The following PPP2R3A variants were observed in gnomAD, a reference collection of about 807,000 sequenced individuals.
The protein encoded by PPP2R3A is protein phosphatase 2 regulatory subunit B''alpha.
A neutral mutation model predicts 106.9 loss-of-function variants in PPP2R3A; 80 were observed. That is an observed-to-expected ratio of 0.75 (90% CI 0.62 to 0.90). The LOEUF (loss-of-function observed/expected upper bound fraction) is 0.90, where lower values mean the gene tolerates loss of function less well. Among genes scored for constraint, PPP2R3A ranks in the 40% least tolerant of loss-of-function variants. The pLI, the probability that PPP2R3A is intolerant of heterozygous loss-of-function variation, is 0.00. For synonymous variants in PPP2R3A, 483 were observed against 468.3 expected, an observed-to-expected ratio of 1.03 and a Z score of -0.41; for missense variants, 1,386 against 1,350.4, an observed-to-expected ratio of 1.03 and a Z score of -0.41.
chr3:136,059,327 CA>C (rs1249561484), intron 5 of PPP2R3A, among the ~76,000 whole-genome samples: 2 of 151,560 alleles, frequency 1.3e-5, no homozygotes, highest in African/African-American at 4.8e-5. Flanking sequence ...AATACATGAA[CA>C]AATATTTTTC....
Position 136,003,164 on chromosome 3 carries a change from C to T in PPP2R3A, c.1666C>T (p.Pro556Ser). The T allele has an allele frequency of 6.2e-7, 1 of 1,613,546 alleles. No homozygotes were observed. Among genetic ancestry groups the T allele is most frequent in the Non-Finnish European group, 8.5e-7 (1 of 1,179,678 alleles). The change falls in exon 2 of 14, where the codon CCT (proline) becomes TCT (serine). Residue 556 changes from proline (P) to serine (S), a missense_variant. Pro to Ser is a moderately conservative substitution (Grantham distance 74, BLOSUM62 -1). Coordinates refer to ENST00000264977, the MANE Select transcript of PPP2R3A (RefSeq NM_002718.5). ...LTGQTLVDLE[P>S]KSKVSSPIEK... ...CGGTCAGACCCTTGTAGATCTTGAGCCTAAATCTAAAGTCTCTTCACCCAT... is the reference window on the plus strand; with the variant it reads ...CGGTCAGACCCTTGTAGATCTTGAGTCTAAATCTAAAGTCTCTTCACCCAT...
intron 5 of PPP2R3A, among the ~76,000 whole-genome samples, chr3:136,064,168 C>CA (rs1345603778): frequency 2.7e-5 from 4 of 148,770 alleles, no homozygotes; most frequent in African/African-American, 7.5e-5. Flanking sequence ...ATCAAAAGGA[C>CA]AAAAAACCAA....
At chr3:136,030,110 C>T (rs1159401108) in intron 3 of PPP2R3A, among the ~76,000 whole-genome samples, 3 of 151,946 alleles carry the variant, frequency 2.0e-5, no homozygotes, top group Admixed American at 6.6e-5. Flanking sequence ...CCTAGCTACT[C>T]AGGAGGCTGA....
chr3:136,118,405 G>A (rs553568748), intron 13 of PPP2R3A, among the ~76,000 whole-genome samples: 14 of 152,226 alleles, frequency 9.2e-5, no homozygotes, highest in Admixed American at 7.8e-4. Context: ...AGAAATAAAT[G>A]GTATTCAAAT....
At chr3:136,105,099 A>G (rs530417683) in intron 12 of PPP2R3A, among the ~76,000 whole-genome samples, 3 of 152,350 alleles carry the variant, frequency 2.0e-5, no homozygotes, top group Non-Finnish European at 4.4e-5. Context: ...CAACCAAAGT[A>G]TCTACATTAG....
intron 6 of PPP2R3A, among the ~76,000 whole-genome samples, chr3:136,075,963 G>A (rs1936582207): frequency 6.6e-6 from 1 of 151,716 alleles, no homozygotes; most frequent in African/African-American, 2.4e-5. Context: ...CCAAGCTAGT[G>A]CTAAGAATAC....
intron 2 of PPP2R3A, among the ~76,000 whole-genome samples, chr3:136,004,266 C>G (rs1175762882): frequency 6.6e-6 from 1 of 152,198 alleles, no homozygotes; most frequent in Non-Finnish European, 1.5e-5. Context: ...TGTGTCGTAG[C>G]ACAACAAGAT....
intron 3 of PPP2R3A, among the ~76,000 whole-genome samples, chr3:136,032,352 A>C (rs1210950041): frequency 6.6e-6 from 1 of 152,116 alleles, no homozygotes; most frequent in East Asian, 1.9e-4. Flanking sequence ...GGTGTATAGA[A>C]GAGCTACTGA....
chr3:135,973,588 T>TGA (rs1937307079), intron 1 of PPP2R3A, among the ~76,000 whole-genome samples: 1 of 152,240 alleles, frequency 6.6e-6, no homozygotes, highest in African/African-American at 2.4e-5. Context: ...ATTCTGTTGC[T>TGA]ATTCCTCATA....
At chr3:136,100,223 GA>G (rs1006443948) in intron 10 of PPP2R3A, among the ~76,000 whole-genome samples, 5 of 152,110 alleles carry the variant, frequency 3.3e-5, no homozygotes, top group Admixed American at 3.3e-4. Context: ...AAGTATGAGG[GA>G]AAAGGCCAGG....
rs141371946 is a variant in PPP2R3A at position 136,063,120 on chromosome 3, A to G, written c.2470-7358A>G. The stretch of plus-strand genomic sequence containing the variant: ...AGAGCCCTCAGAAATAATGCCGCAT[A>G]TCTACAACCATCTGATCTTTGACAA... On this transcript the variant is annotated intron_variant, in intron 5 of 13. Transcript: ENST00000264977. Among the ~76,000 whole-genome samples, 1,230 of 152,338 alleles carry G rather than the reference A, an allele frequency of 8.1e-3. 8 individuals carry two copies. Among genetic ancestry groups the G allele is most frequent in the Non-Finnish European group, 0.012 (808 of 68,034 alleles).
At chr3:136,062,650 G>A (rs745486281) in intron 5 of PPP2R3A, among the ~76,000 whole-genome samples, 5 of 151,310 alleles carry the variant, frequency 3.3e-5, no homozygotes, top group South Asian at 2.1e-4. Flanking sequence ...CCTGGGAGGC[G>A]GAGCTTGCAG....
At chr3:136,008,999 T>C (rs1933949489) in intron 2 of PPP2R3A, among the ~76,000 whole-genome samples, 1 of 151,874 alleles carries the variant, frequency 6.6e-6, no homozygotes, top group African/African-American at 2.4e-5. Context: ...CTCCTCACAC[T>C]GCTCTTATAT....
At position 136,078,402 on chromosome 3, in the gene PPP2R3A, T is replaced by C. The variant is rs780091495; in HGVS notation, c.2580T>C (p.Ser860=). Residue 860 remains serine, a synonymous_variant, in exon 7 of 14, where the codon TCT becomes TCC. Coordinates refer to ENST00000264977, the MANE Select transcript of PPP2R3A (RefSeq NM_002718.5). ...IQRIFYTVNR[S]WSGKITSTEI... is the part of the protein sequence containing the mutation. ...GAATATTCTACACAGTCAACAGATC[T>C]TGGAGTGGAAAAATTACTTCGACAG... 6.2e-7 allele frequency: 1 copy of C among 1,611,080 alleles called. No homozygotes were observed. Among genetic ancestry groups the C allele is most frequent in the East Asian group, 2.2e-5 (1 of 44,810 alleles).
At chr3:136,031,765 T>C (rs561192931) in intron 3 of PPP2R3A, among the ~76,000 whole-genome samples, 1 of 152,344 alleles carries the variant, frequency 6.6e-6, no homozygotes, top group Non-Finnish European at 1.5e-5. Flanking sequence ...AAGAGTATGC[T>C]TTCCCTGCTT....
chr3:136,145,278 T>A lies in PPP2R3A; in HGVS notation c.*112T>A. 7.5e-7 allele frequency: 1 copy of A among 1,329,220 alleles called. No homozygotes were observed. Among genetic ancestry groups the A allele is most frequent in the Non-Finnish European group, 1.0e-6 (1 of 995,552 alleles). 82.3% of individuals were successfully genotyped at this position (1,329,220 alleles called of 1,614,324 possible). A position where few individuals can be genotyped will look rare whatever the true frequency, so the allele number is the denominator to read the frequency against. ...AAAGACTTTGATTTCTCCAAGTGTG[T>A]ATCATCTGCACTAGGAACTTTGTTT... On this transcript the variant is annotated 3_prime_UTR_variant, in exon 14 of 14. Coordinates refer to ENST00000264977, the MANE Select transcript of PPP2R3A (RefSeq NM_002718.5).
At chr3:136,072,646 G>C (rs1936473526) in intron 6 of PPP2R3A, among the ~76,000 whole-genome samples, 1 of 152,130 alleles carries the variant, frequency 6.6e-6, no homozygotes, top group Non-Finnish European at 1.5e-5. Context: ...AGAATTATTG[G>C]GTTCTGAATA....
intron 10 of PPP2R3A, among the ~76,000 whole-genome samples, chr3:136,092,981 GA>G (rs1240013209): frequency 6.6e-6 from 1 of 152,174 alleles, no homozygotes; most frequent in African/African-American, 2.4e-5. Flanking sequence ...CAAAATGTAT[GA>G]GCTAATGCTA....
At chr3:136,064,638 G>C (rs1228799220) in intron 5 of PPP2R3A, among the ~76,000 whole-genome samples, 1 of 152,028 alleles carries the variant, frequency 6.6e-6, no homozygotes, top group Non-Finnish European at 1.5e-5. Flanking sequence ...AAAACAATTA[G>C]AAATGCCAGG....
Sources: allele counts gnomAD v4.1 joint callset (sites outside exome capture counted in the v4.1 genomes callset), GRCh38; gene constraint gnomAD v4.1.1; transcripts MANE v1.5; gene names NCBI Gene and HGNC (gene_info 2026-07-23, HGNC 2026-07-21).